The following ACAD11 variants were observed in gnomAD, a reference collection of about 807,000 sequenced individuals.
ACAD11 encodes acyl-Coenzyme A dehydrogenase family, member 11.
ACAD11 carries 83 observed loss-of-function variants against 102.2 expected under a neutral mutation model. That is an observed-to-expected ratio of 0.81 (90% CI 0.68 to 0.97). The LOEUF (loss-of-function observed/expected upper bound fraction) is 0.97, where lower values mean the gene tolerates loss of function less well. ACAD11 is among the 50% of genes least tolerant of loss of function. The pLI is 0.00. For synonymous variants in ACAD11, 324 were observed against 319.8 expected (o/e 1.01, Z -0.14); for missense variants, 901 against 951.7 (o/e 0.95, Z 0.70).
At chr3:132,577,180 A>T (rs961319116) in intron 15 of ACAD11, among the ~76,000 whole-genome samples, 165 bp from the exon 16 acceptor site, 5 of 150,266 alleles carry the variant, frequency 3.3e-5, no homozygotes, top group African/African-American at 1.3e-4. Context: ...AGGACCCAGC[A>T]GCCCAGAAAA....
At chr3:132,658,320 C>A (rs1937929613) in intron 1 of ACAD11, among the ~76,000 whole-genome samples, 1 of 152,082 alleles carries the variant, frequency 6.6e-6, no homozygotes, top group Admixed American at 6.5e-5. Flanking sequence ...ATTTATTAAA[C>A]CAAGCTTATA....
At chr3:132,585,856 G>T (rs1937797273) in intron 13 of ACAD11, among the ~76,000 whole-genome samples, 1 of 152,156 alleles carries the variant, frequency 6.6e-6, no homozygotes, top group African/African-American at 2.4e-5. Flanking sequence ...TGCTGGAGAG[G>T]ATGTGGAGAA....
intron 1 of ACAD11, among the ~76,000 whole-genome samples, chr3:132,655,612 CT>C (rs1937748792): frequency 6.6e-6 from 1 of 152,176 alleles, no homozygotes; most frequent in Non-Finnish European, 1.5e-5. Context: ...ATGCCGTGTG[CT>C]CGAGGAAATC....
chr3:132,617,549 C>G (rs1226706573), intron 11 of ACAD11, among the ~76,000 whole-genome samples: 1 of 152,188 alleles, frequency 6.6e-6, no homozygotes, highest in Non-Finnish European at 1.5e-5. Context: ...ATCCACTACA[C>G]TACTACCACC....
chr3:132,598,920 T>C (rs917637643), intron 13 of ACAD11, among the ~76,000 whole-genome samples: 6 of 151,894 alleles, frequency 4.0e-5, no homozygotes, highest in African/African-American at 9.7e-5. Flanking sequence ...AGAGGAGAGG[T>C]AGATTGGCAA....
At chr3:132,630,334 A>G (rs1939985572) in intron 7 of ACAD11, 103 bp downstream of exon 7, 1 of 1,231,732 alleles carries the variant, frequency 8.1e-7, no homozygotes, top group African/African-American at 1.5e-5. Flanking sequence ...TGATAAGCCA[A>G]ATGATCTAAG....
intron 17 of ACAD11, among the ~76,000 whole-genome samples, chr3:132,564,721 C>T (rs1937161599): frequency 6.6e-6 from 1 of 152,194 alleles, no homozygotes; most frequent in Non-Finnish European, 1.5e-5. Flanking sequence ...TGTCTGATAT[C>T]CTCTGCTTCT....
At chr3:132,581,946 A>G (rs1937604854) in intron 13 of ACAD11, among the ~76,000 whole-genome samples, 1 of 152,052 alleles carries the variant, frequency 6.6e-6, no homozygotes, top group Non-Finnish European at 1.5e-5. Context: ...GCTGCAAGAC[A>G]GAATATAAAT....
rs138592725 is a variant in ACAD11, at chr3:132,626,747, C to T, written c.1141G>A (p.Glu381Lys). ...QLFVQTRKGQ[E>K]VLIKVKHFMK... ...AAATGCTTCACCTTAATAAGAACTT[C>T]CTGACCTTTCCGAGTCTGTACAAAC... Residue 381 changes from glutamate to lysine, a missense_variant, in exon 9 of 20, where the codon GAA (glutamate) becomes AAA (lysine). Physicochemically the swap from Glu to Lys is moderately conservative, Grantham distance 56. Transcript: ENST00000264990. The T allele has an allele frequency of 7.9e-4, 1,271 of 1,613,852 alleles. 4 individuals carry two copies. The highest frequency in any genetic ancestry group is 6.0e-4 in the Non-Finnish European group (712 of 1,179,938).
At chr3:132,571,348 T>G (rs1212925140) in intron 17 of ACAD11, among the ~76,000 whole-genome samples, 2 of 151,752 alleles carry the variant, frequency 1.3e-5, no homozygotes, top group African/African-American at 2.4e-5. Context: ...TTTAACGGTT[T>G]TTTTTTTTTT....
intron 1 of ACAD11, among the ~76,000 whole-genome samples, chr3:132,654,971 T>C (rs576714916): frequency 2.6e-5 from 4 of 152,252 alleles, no homozygotes; most frequent in African/African-American, 9.6e-5. Flanking sequence ...CTGTGCAGCA[T>C]GTGACTGTAC....
intron 9 of ACAD11, among the ~76,000 whole-genome samples, chr3:132,625,477 G>A (rs1180436160): frequency 2.0e-5 from 3 of 151,918 alleles, no homozygotes; most frequent in Admixed American, 6.6e-5. Flanking sequence ...TAATACTCAA[G>A]AGTTCACAGT....
At chr3:132,564,211 T>G (rs1937146167) in intron 17 of ACAD11, among the ~76,000 whole-genome samples, 1 of 152,204 alleles carries the variant, frequency 6.6e-6, no homozygotes, top group Non-Finnish European at 1.5e-5. Context: ...TTGCTGGTGG[T>G]TTTTGCATCT....
At chr3:132,592,683 C>T (rs908423622) in intron 13 of ACAD11, among the ~76,000 whole-genome samples, 1 of 152,100 alleles carries the variant, frequency 6.6e-6, no homozygotes, top group African/African-American at 2.4e-5. Flanking sequence ...TTCTCAAGGC[C>T]GTTTCTTCTA....
chr3:132,575,369 C>G (rs1937507791), intron 17 of ACAD11, among the ~76,000 whole-genome samples: 2 of 152,082 alleles, frequency 1.3e-5, no homozygotes, highest in South Asian at 4.1e-4. Context: ...TTCTCCTTTC[C>G]CTGAGTTTTG....
At chr3:132,611,583 G>C (rs1163942941) in intron 11 of ACAD11, among the ~76,000 whole-genome samples, 1 of 152,044 alleles carries the variant, frequency 6.6e-6, no homozygotes, top group Non-Finnish European at 1.5e-5. Flanking sequence ...ACCAATAACA[G>C]AGAAACAGAG....
Position 132,561,134 on chromosome 3 carries a change from C to T in ACAD11, c.2085G>A (p.Met695Ile). The T allele has an allele frequency of 1.2e-6, 2 of 1,613,440 alleles. No individual in the cohort carries two copies. The highest frequency in any genetic ancestry group is 1.7e-6 in the Non-Finnish European group (2 of 1,179,628). Residue 695 changes from methionine (M) to isoleucine (I), a missense_variant, in exon 18 of 20, where the codon ATG becomes ATA. Transcript: ENST00000264990. ...RLLTLKAAHSMDTLGSAGAKK... is the reference protein window; with the variant it reads ...RLLTLKAAHSIDTLGSAGAKK... ...TAGCGCCAGCACTGCCCAGAGTGTC[C>T]ATGCTGTGAGCAGCTTTCAGAGTCA...
At chr3:132,581,481 T>C (rs191204983) in intron 13 of ACAD11, among the ~76,000 whole-genome samples, 185 of 151,984 alleles carry the variant, frequency 1.2e-3, no homozygotes, top group African/African-American at 4.3e-3. Flanking sequence ...GCCTAAAGGG[T>C]AATCAGTCCA....
intron 13 of ACAD11, among the ~76,000 whole-genome samples, chr3:132,585,797 T>A (rs998468731): frequency 1.4e-4 from 22 of 152,280 alleles, no homozygotes; most frequent in African/African-American, 5.1e-4. Flanking sequence ...TGAGATACCA[T>A]CTCACACCAG....
Sources: allele counts gnomAD v4.1 joint callset (sites outside exome capture counted in the v4.1 genomes callset), GRCh38; gene constraint gnomAD v4.1.1; transcripts MANE v1.5; gene names NCBI Gene and HGNC (gene_info 2026-07-23, HGNC 2026-07-21).